Variants in ERC2 observed in about 807,000 individuals in gnomAD.
ERC2 encodes ERC protein 2.
ERC2 carries 42 observed loss-of-function variants against 114.8 expected under a neutral mutation model. That is an observed-to-expected ratio of 0.37 (90% confidence interval 0.29 to 0.47). The LOEUF (loss-of-function observed/expected upper bound fraction) is 0.47, where lower values mean the gene tolerates loss of function less well. ERC2 is among the 20% of genes least tolerant of loss of function. The pLI is 0.99. For synonymous variants in ERC2, 454 were observed against 425.5 expected (o/e 1.07, Z -0.82); for missense variants, 939 against 1,150.7 (o/e 0.82, Z 2.66).
chr3:56,207,633 G>C (rs1418484565), intron 3 of ERC2, among the ~76,000 whole-genome samples: 1 of 152,034 alleles, frequency 6.6e-6, no homozygotes, highest in Non-Finnish European at 1.5e-5. Flanking sequence ...ATGGCAGAAG[G>C]GAACTTTTCT....
intron 3 of ERC2, among the ~76,000 whole-genome samples, chr3:56,223,372 T>A (rs1019433305): frequency 1.3e-5 from 2 of 152,102 alleles, no homozygotes; most frequent in Middle Eastern, 3.4e-3. Flanking sequence ...TTATGCCTCT[T>A]AGATGGAAAA....
intron 16 of ERC2, among the ~76,000 whole-genome samples, chr3:55,688,451 A>G (rs982883823): frequency 6.6e-6 from 1 of 152,086 alleles, no homozygotes; most frequent in African/African-American, 2.4e-5. Flanking sequence ...CCACAAAAGT[A>G]CACCCTTCTG....
In ERC2 at chr3:55,729,837, CAA is replaced by C. The variant is rs71096498; in HGVS notation, c.2712+4932_2712+4933del. Among the ~76,000 whole-genome samples the C allele has an allele frequency of 3.0e-3, 187 of 61,630 alleles. 11 individuals carry two copies. In the Middle Eastern group the frequency reaches 0.052, roughly 17 times the overall value. The allele number at this position is 61,630 out of a possible 152,430, so 40.4% of individuals were successfully genotyped here. A position where few individuals can be genotyped will look rare whatever the true frequency, so the allele number is the denominator to read the frequency against. ...AGGGTAATGCAGTGAGACTCTATCG[CAA>C]AAAAAAAAAAAAAAAAAAAAAAAAA... On this transcript the variant is annotated intron_variant, in intron 15 of 17. Transcript: ENST00000288221.
intron 15 of ERC2, among the ~76,000 whole-genome samples, chr3:55,702,221 C>T (rs968799012): frequency 8.5e-5 from 13 of 152,184 alleles, no homozygotes; most frequent in African/African-American, 3.1e-4. Context: ...ATGATGTCAT[C>T]TTTCCAATTT....
At chr3:55,827,663 A>G (rs1308659447) in intron 14 of ERC2, among the ~76,000 whole-genome samples, 1 of 152,214 alleles carries the variant, frequency 6.6e-6, no homozygotes, top group Non-Finnish European at 1.5e-5. Flanking sequence ...TGTTGTTTTA[A>G]TATGTCTATT....
intron 2 of ERC2, among the ~76,000 whole-genome samples, chr3:56,324,144 G>A (rs1205660478): frequency 1.3e-5 from 2 of 152,186 alleles, no homozygotes; most frequent in Non-Finnish European, 2.9e-5. Flanking sequence ...GAAGTAGCAT[G>A]CTGGGCTATT....
intron 13 of ERC2, among the ~76,000 whole-genome samples, chr3:55,910,764 T>C (rs894667224): frequency 6.6e-6 from 1 of 152,214 alleles, no homozygotes; most frequent in African/African-American, 2.4e-5. Flanking sequence ...TTAAGCAACT[T>C]GCCCACAGTC....
At chr3:56,257,013 G>C (rs1438745983) in intron 3 of ERC2, among the ~76,000 whole-genome samples, 1 of 152,112 alleles carries the variant, frequency 6.6e-6, no homozygotes, top group East Asian at 1.9e-4. Flanking sequence ...TTACTTTTGT[G>C]ACCTTGAAAA....
chr3:55,646,795 A>G (rs2060417038), intron 17 of ERC2, among the ~76,000 whole-genome samples: 1 of 152,214 alleles, frequency 6.6e-6, no homozygotes, highest in South Asian at 2.1e-4. Flanking sequence ...TATTTTCTGA[A>G]TAATAAATGA....
chr3:56,133,530 G>C (rs2149895770), intron 6 of ERC2, among the ~76,000 whole-genome samples: 1 of 152,334 alleles, frequency 6.6e-6, no homozygotes, highest in South Asian at 2.1e-4. Flanking sequence ...GACTCTCATG[G>C]AAATCACTAG....
intron 17 of ERC2, among the ~76,000 whole-genome samples, chr3:55,520,649 G>T (rs541871105): frequency 1.0e-3 from 158 of 152,260 alleles, no homozygotes; most frequent in Non-Finnish European, 1.8e-3. Context: ...ATACGGCCTT[G>T]TGAACATTTC....
At chr3:56,197,919 T>C (rs2048198426) in intron 3 of ERC2, among the ~76,000 whole-genome samples, 1 of 152,160 alleles carries the variant, frequency 6.6e-6, no homozygotes, top group African/African-American at 2.4e-5. Context: ...GTATTAGGAG[T>C]CAGAAATATG....
At chr3:56,013,500 T>C (rs2073100664) in intron 8 of ERC2, among the ~76,000 whole-genome samples, 1 of 152,124 alleles carries the variant, frequency 6.6e-6, no homozygotes, top group South Asian at 2.1e-4. Flanking sequence ...GGCCTTGGGA[T>C]AGTCCAGAGG....
In ERC2 at chr3:55,992,238, C is replaced by G; in HGVS notation, c.2074G>C (p.Glu692Gln). Residue 692 changes from glutamate (E) to glutamine (Q), a missense_variant, in exon 11 of 18, where the codon GAA becomes CAA. Glu to Gln is a conservative substitution (Grantham distance 29). Transcript: ENST00000288221. Reference sequence around the variant, plus strand: ...TCAGGGTTCATCCTGGAGTCATCTTCAATATTATGTGCCTTCAACATTACA... The same window carrying G: ...TCAGGGTTCATCCTGGAGTCATCTTGAATATTATGTGCCTTCAACATTACA... ...EAQLKKAHNI[E>Q]DDSRMNPEFA... 6.2e-7 allele frequency: 1 copy of G among 1,613,114 alleles called. No individual in the cohort carries two copies. Among genetic ancestry groups the G allele is most frequent in the South Asian group, 1.1e-5 (1 of 90,936 alleles).
chr3:55,919,808 T>C (rs186065085), intron 13 of ERC2, among the ~76,000 whole-genome samples: 2 of 152,250 alleles, frequency 1.3e-5, no homozygotes, highest in Admixed American at 1.3e-4. Context: ...CCAGTGGCTA[T>C]CAGGGGAAGG....
At chr3:56,377,775 C>G (rs143405581) in intron 2 of ERC2, among the ~76,000 whole-genome samples, 2 of 151,874 alleles carry the variant, frequency 1.3e-5, no homozygotes, top group African/African-American at 2.4e-5. Flanking sequence ...CTCAGCTACT[C>G]GGGAAGCTGT....
chr3:56,043,040 G>T (rs112267788), intron 7 of ERC2, among the ~76,000 whole-genome samples: 8 of 152,190 alleles, frequency 5.3e-5, no homozygotes, highest in Admixed American at 2.6e-4. Flanking sequence ...GATCTTCATG[G>T]TTTGCTAACC....
intron 1 of ERC2, among the ~76,000 whole-genome samples, chr3:56,439,328 C>CCAGCTACTTGG (rs1255846498): frequency 6.6e-6 from 1 of 152,096 alleles, no homozygotes; most frequent in Non-Finnish European, 1.5e-5. Context: ...GCCTGCAGTC[C>CCAGCTACTTGG]CAGCTACTTG....
chr3:56,104,923 C>T (rs1361925832), intron 6 of ERC2, among the ~76,000 whole-genome samples: 1 of 151,870 alleles, frequency 6.6e-6, no homozygotes, highest in Non-Finnish European at 1.5e-5. Context: ...TGTCATAGAG[C>T]AAGCCTGGGG....
Sources: allele counts gnomAD v4.1 joint callset (sites outside exome capture counted in the v4.1 genomes callset), GRCh38; gene constraint gnomAD v4.1.1; transcripts MANE v1.5; gene names NCBI Gene and HGNC (gene_info 2026-07-23, HGNC 2026-07-21).